The following ZMAT4 variants were observed in gnomAD, a reference collection of about 807,000 sequenced individuals.
ZMAT4 encodes the protein zinc finger matrin-type protein 4.
A neutral mutation model predicts 28.7 loss-of-function variants in ZMAT4; 17 were observed. The observed-to-expected ratio is 0.59, with a 90% CI of 0.41 to 0.89. The LOEUF is 0.89. Among genes scored for constraint, ZMAT4 ranks in the 40% least tolerant of loss-of-function variants. The pLI, the probability that ZMAT4 is intolerant of heterozygous loss-of-function variation, is 0.00. For synonymous variants in ZMAT4, 117 were observed against 109.2 expected, an observed-to-expected ratio of 1.07 and a Z score of -0.44; for missense variants, 240 against 283.8, an observed-to-expected ratio of 0.85 and a Z score of 1.11.
intron 1 of ZMAT4, among the ~76,000 whole-genome samples, chr8:40,896,455 C>A (rs16890077): frequency 0.23 from 35,246 of 152,120 alleles, 4,991 homozygotes; most frequent in East Asian, 0.41. Context: ...CGCAGGTAGG[C>A]AGCGCAACTG....
At chr8:40,643,262 T>C (rs973597628) in intron 5 of ZMAT4, among the ~76,000 whole-genome samples, 5 of 152,172 alleles carry the variant, frequency 3.3e-5, no homozygotes, top group African/African-American at 1.2e-4. Context: ...AGCCGGGAAC[T>C]ATGCCTAACT....
intron 5 of ZMAT4, among the ~76,000 whole-genome samples, chr8:40,620,196 T>C (rs931690687): frequency 2.0e-5 from 3 of 152,224 alleles, no homozygotes; most frequent in African/African-American, 7.2e-5. Context: ...CTGACCACCT[T>C]GTAAGAATTT....
At chr8:40,791,815 C>A (rs1288915147) in intron 2 of ZMAT4, among the ~76,000 whole-genome samples, 3 of 152,196 alleles carry the variant, frequency 2.0e-5, no homozygotes, top group Non-Finnish European at 4.4e-5. Flanking sequence ...AGCCCACAGA[C>A]AAGGAAGCTA....
At chr8:40,609,421 ACCCATTGTC>A (rs1805715062) in intron 5 of ZMAT4, among the ~76,000 whole-genome samples, 1 of 151,828 alleles carries the variant, frequency 6.6e-6, no homozygotes, top group Non-Finnish European at 1.5e-5. Context: ...GGCTCCCTCT[ACCCATTGTC>A]CCCTGGTGCA....
At chr8:40,823,294 C>T (rs1467002966) in intron 2 of ZMAT4, among the ~76,000 whole-genome samples, 2 of 152,110 alleles carry the variant, frequency 1.3e-5, no homozygotes, top group Non-Finnish European at 2.9e-5. Flanking sequence ...ACATAAAGTA[C>T]TAATGGGAGG....
At chr8:40,690,256 G>T (rs12546412) in intron 4 of ZMAT4, among the ~76,000 whole-genome samples, 20,622 of 152,188 alleles carry the variant, frequency 0.14, 1,772 homozygotes, top group Non-Finnish European at 0.19. Flanking sequence ...TGTCTTTGCT[G>T]TCAGCCACTT....
chr8:40,693,330 G>C (rs1809736955), intron 4 of ZMAT4, among the ~76,000 whole-genome samples: 1 of 151,790 alleles, frequency 6.6e-6, no homozygotes, highest in South Asian at 2.1e-4. Context: ...TGCCCAGGCT[G>C]GTATCAAATT....
chr8:40,677,179 A>G (rs990421641), intron 4 of ZMAT4, among the ~76,000 whole-genome samples: 7 of 152,204 alleles, frequency 4.6e-5, no homozygotes, highest in Non-Finnish European at 8.8e-5. Flanking sequence ...GGAGTGAGGC[A>G]CAATAGAATA....
At chr8:40,638,463 C>T (rs967892614) in intron 5 of ZMAT4, among the ~76,000 whole-genome samples, 1 of 152,212 alleles carries the variant, frequency 6.6e-6, no homozygotes, top group African/African-American at 2.4e-5. Flanking sequence ...TTAAAAGCCA[C>T]CTCTGCTAGG....
At chr8:40,818,009 G>T (rs977534303) in intron 2 of ZMAT4, among the ~76,000 whole-genome samples, 2 of 152,186 alleles carry the variant, frequency 1.3e-5, no homozygotes, top group Non-Finnish European at 2.9e-5. Context: ...GACATCAACG[G>T]CTGTCTGCAA....
chr8:40,534,170 A>T (rs1444377646), intron 6 of ZMAT4, among the ~76,000 whole-genome samples: 1 of 152,162 alleles, frequency 6.6e-6, no homozygotes, highest in African/African-American at 2.4e-5. Flanking sequence ...TTTTATAGTC[A>T]TTGTAATTAT....
At chr8:40,605,165 T>C (rs1286768232) in intron 5 of ZMAT4, among the ~76,000 whole-genome samples, 1 of 152,184 alleles carries the variant, frequency 6.6e-6, no homozygotes, top group African/African-American at 2.4e-5. Context: ...TGTTTTCCGT[T>C]TGTTTCAATT....
intron 1 of ZMAT4, among the ~76,000 whole-genome samples, chr8:40,838,724 T>C (rs550647210): frequency 5.9e-4 from 89 of 151,408 alleles, no homozygotes; most frequent in African/African-American, 2.1e-3. Context: ...GCTTGCCAGG[T>C]GGGGGAAAGA....
At chr8:40,838,527 G>A (rs1438545175) in intron 1 of ZMAT4, among the ~76,000 whole-genome samples, 1 of 152,064 alleles carries the variant, frequency 6.6e-6, no homozygotes, top group East Asian at 1.9e-4. Flanking sequence ...ATTTTTTTAA[G>A]ATGGGGTCTC....
intron 2 of ZMAT4, among the ~76,000 whole-genome samples, chr8:40,788,390 C>T (rs1043385695): frequency 3.3e-5 from 5 of 152,102 alleles, no homozygotes; most frequent in South Asian, 2.1e-4. Flanking sequence ...CGAGATCATC[C>T]TGGCTAACAT....
chr8:40,532,826 T>A (rs1268145711), intron 6 of ZMAT4, among the ~76,000 whole-genome samples: 2 of 151,916 alleles, frequency 1.3e-5, no homozygotes, highest in African/African-American at 4.8e-5. Flanking sequence ...TGAAACCCCG[T>A]CTCTACTAAA....
chr8:40,644,915 A>G (rs1807232097), intron 5 of ZMAT4, among the ~76,000 whole-genome samples: 1 of 152,342 alleles, frequency 6.6e-6, no homozygotes, highest in East Asian at 1.9e-4. Flanking sequence ...CCAGTCGAGG[A>G]GCATTCTCCA....
intron 6 of ZMAT4, among the ~76,000 whole-genome samples, chr8:40,538,939 C>T (rs1316550854): frequency 6.6e-6 from 1 of 152,122 alleles, no homozygotes. Flanking sequence ...GCACCCGCCA[C>T]CACACCTGGC....
At chr8:40,657,466 C>A (rs1273387498) in intron 5 of ZMAT4, among the ~76,000 whole-genome samples, 2 of 150,982 alleles carry the variant, frequency 1.3e-5, no homozygotes, top group African/African-American at 4.9e-5. Flanking sequence ...TTTTTTCTTG[C>A]AGTACTTTAA....
Sources: gnomAD v4.1 joint callset for allele counts (sites outside exome capture counted in the v4.1 genomes callset) on GRCh38, gnomAD v4.1.1 for gene constraint, MANE v1.5 for transcripts, NCBI Gene and HGNC (gene_info 2026-07-23, HGNC 2026-07-21) for gene names.